The following MTUS1 variants were observed in gnomAD, a reference collection of about 807,000 sequenced individuals.
The protein encoded by MTUS1 is microtubule-associated tumor suppressor 1.
A neutral mutation model predicts 120.8 loss-of-function variants in MTUS1; 109 were observed. The ratio of observed to expected loss-of-function variants is 0.90; its 90% CI spans 0.77 to 1.06. The LOEUF is 1.06. MTUS1 is among the 50% of genes least tolerant of loss of function. The pLI is 0.00. For synonymous variants in MTUS1, 737 were observed against 550.5 expected, an observed-to-expected ratio of 1.34 and a Z score of -4.74; for missense variants, 2,210 against 1,486.3, an observed-to-expected ratio of 1.49 and a Z score of -8.01.
intron 8 of MTUS1, among the ~76,000 whole-genome samples, chr8:17,669,176 G>A (rs1811502584): frequency 1.3e-5 from 2 of 152,208 alleles, no homozygotes; most frequent in African/African-American, 4.8e-5. Flanking sequence ...TGTACAGGGT[G>A]CTTTGAAAAG....
intron 2 of MTUS1, among the ~76,000 whole-genome samples, chr8:17,749,191 G>C (rs1397225502): frequency 6.6e-6 from 1 of 152,144 alleles, no homozygotes; most frequent in African/African-American, 2.4e-5. Context: ...AAGACTGATA[G>C]AACAGACTCT....
chr8:17,759,992 T>A (rs1334841826), intron 1 of MTUS1, among the ~76,000 whole-genome samples: 1 of 151,708 alleles, frequency 6.6e-6, no homozygotes, highest in Non-Finnish European at 1.5e-5. Flanking sequence ...GAGCATCATT[T>A]GAGCCCAGGA....
chr8:17,766,237 G>C (rs1350504391), intron 1 of MTUS1, among the ~76,000 whole-genome samples: 6 of 152,142 alleles, frequency 3.9e-5, no homozygotes, highest in African/African-American at 9.7e-5. Flanking sequence ...ATTTTAAAAA[G>C]AACAGAAACT....
intron 8 of MTUS1, among the ~76,000 whole-genome samples, chr8:17,657,622 C>G (rs1261718712): frequency 3.4e-5 from 5 of 147,336 alleles, no homozygotes; most frequent in Non-Finnish European, 5.9e-5. Context: ...AGTTCATGAC[C>G]AGCCTGGACA....
At chr8:17,772,218 CGTAT>C (rs2050073880) in intron 1 of MTUS1, among the ~76,000 whole-genome samples, 1 of 152,082 alleles carries the variant, frequency 6.6e-6, no homozygotes, top group Non-Finnish European at 1.5e-5. Flanking sequence ...TTCAGAACAT[CGTAT>C]GTATTAAAAG....
At chr8:17,783,819 G>A (rs143615060) in intron 1 of MTUS1, among the ~76,000 whole-genome samples, 29 of 152,196 alleles carry the variant, frequency 1.9e-4, no homozygotes, top group African/African-American at 4.6e-4. Context: ...CATCCTTAAC[G>A]GCAATCTGAG....
At chr8:17,746,588 G>T (rs915746581) in intron 2 of MTUS1, among the ~76,000 whole-genome samples, 1 of 152,078 alleles carries the variant, frequency 6.6e-6, no homozygotes, top group African/African-American at 2.4e-5. Context: ...ACTACCACAA[G>T]AACAGTATGG....
chr8:17,720,332 C>T (rs1412238484), intron 4 of MTUS1, among the ~76,000 whole-genome samples: 3 of 148,736 alleles, frequency 2.0e-5, no homozygotes, highest in Non-Finnish European at 3.0e-5. Flanking sequence ...GCGACAAGAG[C>T]GAAACTCCAT....
chr8:17,763,781 CTA>C (rs2049239281), intron 1 of MTUS1, among the ~76,000 whole-genome samples: 1 of 152,158 alleles, frequency 6.6e-6, no homozygotes, highest in Non-Finnish European at 1.5e-5. Context: ...TATTATGTTT[CTA>C]TGTGTTTTGC....
chr8:17,647,146 A>C, intron 13 of MTUS1, 67 bp from the exon 14 acceptor site: 3 of 1,189,928 alleles, frequency 2.5e-6, no homozygotes, highest in Non-Finnish European at 2.5e-6. Context: ...TTCTTAAGGC[A>C]CCTCACGACA....
At chr8:17,648,830 A>G (rs1806368777) in intron 13 of MTUS1, among the ~76,000 whole-genome samples, 1 of 152,244 alleles carries the variant, frequency 6.6e-6, no homozygotes, top group African/African-American at 2.4e-5. Flanking sequence ...AGAAGAGGCC[A>G]GTAGCATGCG....
chr8:17,766,923 A>G (rs1586275605), intron 1 of MTUS1, among the ~76,000 whole-genome samples: 1 of 152,100 alleles, frequency 6.6e-6, no homozygotes, highest in African/African-American at 2.4e-5. Flanking sequence ...AATGGATGTT[A>G]AAATTTTATT....
intron 1 of MTUS1, among the ~76,000 whole-genome samples, chr8:17,781,217 T>C (rs971081673): frequency 1.3e-5 from 2 of 152,212 alleles, no homozygotes; most frequent in Admixed American, 6.5e-5. Flanking sequence ...AAATATCTCA[T>C]AGCCAATCAG....
At chr8:17,674,556 G>A (rs77146036) in intron 8 of MTUS1, 40,758 of 985,850 alleles carry the variant, frequency 0.041, 1,342 homozygotes, top group East Asian at 0.23. Flanking sequence ...CTGGAGGGCT[G>A]GGTGGTGGGT....
Position 17,675,181 on chromosome 8 carries a change from CT to C in MTUS1, c.2905+4del. 6.2e-7 allele frequency: 1 copy of C among 1,614,054 alleles called. No homozygotes were observed. Among genetic ancestry groups the C allele is most frequent in the Non-Finnish European group, 8.5e-7 (1 of 1,179,936 alleles). ...AATTTAACAACAACAACAAAAAGCT[CT>C]TACCTAGCTCTCCCCGGAGGTTAAC... On this transcript the variant is annotated splice_donor_region_variant and intron_variant, in intron 8 of 14. Transcript: ENST00000693296.
At chr8:17,789,096 G>A (rs990161293) in intron 1 of MTUS1, among the ~76,000 whole-genome samples, 4 of 151,376 alleles carry the variant, frequency 2.6e-5, no homozygotes, top group Admixed American at 6.6e-5. Flanking sequence ...GCAATGGCAC[G>A]ATCTCAGCTC....
chr8:17,657,921 C>T (rs1808780269), intron 8 of MTUS1, among the ~76,000 whole-genome samples: 1 of 149,164 alleles, frequency 6.7e-6, no homozygotes, highest in African/African-American at 2.5e-5. Context: ...ATGTATATAT[C>T]TATGTGTACA....
intron 2 of MTUS1, among the ~76,000 whole-genome samples, chr8:17,752,026 T>C (rs1216595877): frequency 6.6e-6 from 1 of 152,158 alleles, no homozygotes; most frequent in African/African-American, 2.4e-5. Context: ...AAAGTGCTGT[T>C]TCTCCAAGAC....
Position 17,723,832 on chromosome 8 carries a change from T to G in MTUS1, c.2289A>C (p.Gly763=), listed in dbSNP as rs1350863531. ...GTGCAGTTTTCAAGGATGTAGGCTT[T>G]CCTTGGGGTTTAAAAAAAACAAAAA... ...PQRIRRVSSS[G]KPTSLKTAQS... Residue 763 remains glycine, a splice_region_variant and synonymous_variant, in exon 4 of 15, where the codon GGA becomes GGC. Transcript: ENST00000693296. The G allele has an allele frequency of 9.7e-6, 15 of 1,552,048 alleles. No individual in the cohort carries two copies. The highest frequency in any genetic ancestry group is 1.2e-5 in the Non-Finnish European group (14 of 1,150,990).
Sources: allele counts gnomAD v4.1 joint callset (sites outside exome capture counted in the v4.1 genomes callset), GRCh38; gene constraint gnomAD v4.1.1; transcripts MANE v1.5; gene names NCBI Gene and HGNC (gene_info 2026-07-23, HGNC 2026-07-21).